Variants in CXXC5 observed in about 807,000 individuals in gnomAD.
The protein encoded by CXXC5 is CXXC-type zinc finger protein 5.
A neutral mutation model predicts 17.6 loss-of-function variants in CXXC5; 2 were observed. That is an observed-to-expected ratio of 0.11 (90% confidence interval 0.05 to 0.36). The LOEUF is 0.36. CXXC5 is among the 10% of genes least tolerant of loss of function. The probability of loss-of-function intolerance (pLI) is 1.00; values close to 1 mark genes in which losing one functional copy is unlikely to be tolerated. For missense variants in CXXC5, 343 were observed against 458.3 expected, an observed-to-expected ratio of 0.75 and a Z score of 2.30; for synonymous variants, 171 against 193.0, an observed-to-expected ratio of 0.89 and a Z score of 0.94.
chr5:139,671,524 A>G (rs1323034201), intron 1 of CXXC5, among the ~76,000 whole-genome samples: 1 of 152,218 alleles, frequency 6.6e-6, no homozygotes, highest in Admixed American at 6.5e-5. Flanking sequence ...GGGTTGGGGC[A>G]GGCACAAAGA....
intron 1 of CXXC5, among the ~76,000 whole-genome samples, chr5:139,674,455 A>G (rs1756665417): frequency 6.6e-6 from 1 of 152,088 alleles, no homozygotes; most frequent in Non-Finnish European, 1.5e-5. Context: ...TGGTGCATTG[A>G]GCCAGGGTGT....
At chr5:139,656,743 G>A (rs953868575) in intron 1 of CXXC5, among the ~76,000 whole-genome samples, 11 of 151,940 alleles carry the variant, frequency 7.2e-5, no homozygotes, top group Admixed American at 2.6e-4. Flanking sequence ...TTGTTTTTTT[G>A]AGATGGAGTC....
chr5:139,664,489 C>G lies in CXXC5; in HGVS notation c.-161+15644C>G, dbSNP rs533826876. ...GGTCCGTGTGTCACTTAGCACCAGG[C>G]GCTGCATGGCCCTGGGTCAGGGCTC... On this transcript the variant is annotated intron_variant, in intron 1 of 2. Coordinates refer to ENST00000302517, the MANE Select transcript of CXXC5 (RefSeq NM_016463.9). 4.5e-4 allele frequency among the ~76,000 whole-genome samples: 69 copies of G among 152,286 alleles called. 2 individuals are homozygous for G. The South Asian group carries it at 0.014, about 31-fold the overall frequency.
intron 1 of CXXC5, among the ~76,000 whole-genome samples, chr5:139,671,919 A>G (rs928449178): frequency 5.9e-5 from 9 of 152,156 alleles, no homozygotes; most frequent in African/African-American, 1.9e-4. Context: ...TGGCTCTGCC[A>G]CTTACTGACC....
At chr5:139,655,871 C>T (rs1008963436) in intron 1 of CXXC5, among the ~76,000 whole-genome samples, 2 of 152,198 alleles carry the variant, frequency 1.3e-5, no homozygotes, top group Admixed American at 6.5e-5. Context: ...CTTAGAGCAG[C>T]GGGCAGGCGG....
intron 1 of CXXC5, among the ~76,000 whole-genome samples, chr5:139,664,320 G>A (rs947998451): frequency 1.5e-4 from 23 of 151,988 alleles, no homozygotes; most frequent in African/African-American, 5.6e-4. Flanking sequence ...GCCTGGTCAG[G>A]GTTGCGCACC....
rs1259973299 is a variant in CXXC5, at chr5:139,670,918, C to T, written c.-160-9446C>T. On this transcript the variant is annotated intron_variant, in intron 1 of 2. Transcript: ENST00000302517. This position sits in a 1 kb window ranked among gnomAD's most constrained non-coding sequence, Gnocchi z 4.2. Reference sequence around the variant, plus strand: ...GTGCAGCACACCTCCCAGGTAGACACGCGAAAACACACTGTATGCATTGCT... The same window carrying T: ...GTGCAGCACACCTCCCAGGTAGACATGCGAAAACACACTGTATGCATTGCT... Among the ~76,000 whole-genome samples the T allele has an allele frequency of 2.0e-5, 3 of 152,250 alleles. No individual in the cohort carries two copies. Among genetic ancestry groups the T allele is most frequent in the Non-Finnish European group, 4.4e-5 (3 of 68,036 alleles).
chr5:139,677,392 C>T (rs1756909536), intron 1 of CXXC5, among the ~76,000 whole-genome samples: 1 of 152,158 alleles, frequency 6.6e-6, no homozygotes, highest in South Asian at 2.1e-4. Flanking sequence ...CTATGTCCTC[C>T]TCTTCCATGA....
At chr5:139,653,015 G>A (rs907495908) in intron 1 of CXXC5, among the ~76,000 whole-genome samples, 9 of 152,248 alleles carry the variant, frequency 5.9e-5, no homozygotes, top group East Asian at 3.9e-4. Context: ...CTGTATCTCC[G>A]TCTTACTGAA....
rs1316297566 is a variant in CXXC5, at chr5:139,670,430, C to T, written c.-160-9934C>T. On this transcript the variant is annotated intron_variant, in intron 1 of 2. Coordinates refer to ENST00000302517, the MANE Select transcript of CXXC5 (RefSeq NM_016463.9). This position sits in a 1 kb window ranked among gnomAD's most constrained non-coding sequence, Gnocchi z 4.2. The stretch of plus-strand genomic sequence containing the variant: ...GAACCTGGATGGAACCAGCCCCCAC[C>T]ACAGCCCAGGTGCACCTGTGGGCAG... Among the ~76,000 whole-genome samples the T allele has an allele frequency of 1.3e-5, 2 of 152,162 alleles. No homozygotes were observed. The highest frequency in any genetic ancestry group is 1.5e-5 in the Non-Finnish European group (1 of 68,026).
Position 139,648,352 on chromosome 5 carries a change from G to A in CXXC5, c.-654G>A. On this transcript the variant is annotated 5_prime_UTR_variant, in exon 1 of 3. Transcript: ENST00000302517. ...CCTGCCCGGGCGGGCGCGCGGCGGCGGCGGCAGAGGCGGCTGAGCCTGAGC... is the reference window on the plus strand; with the variant it reads ...CCTGCCCGGGCGGGCGCGCGGCGGCAGCGGCAGAGGCGGCTGAGCCTGAGC... The A allele has an allele frequency of 6.3e-6, 1 of 157,938 alleles. No individual in the cohort carries two copies. Among genetic ancestry groups the A allele is most frequent in the South Asian group, 1.6e-4 (1 of 6,068 alleles). 9.8% of individuals were successfully genotyped at this position (157,938 alleles called of 1,614,324 possible). A position where few individuals can be genotyped will look rare whatever the true frequency, so the allele number is the denominator to read the frequency against.
intron 1 of CXXC5, among the ~76,000 whole-genome samples, chr5:139,676,259 GTCCTTCTTGCCACCCTCCTCCCCAC>G (rs1756790848): frequency 2.3e-5 from 1 of 43,838 alleles, no homozygotes; most frequent in Non-Finnish European, 4.0e-5. Flanking sequence ...CTCCTCCACA[GTCCTTCTTGCCACCCTCCTCCCCAC>G]CCTCCTCCCC....
At chr5:139,667,653 G>A (rs1457179137) in intron 1 of CXXC5, among the ~76,000 whole-genome samples, 2 of 152,136 alleles carry the variant, frequency 1.3e-5, no homozygotes, top group Non-Finnish European at 2.9e-5. Flanking sequence ...CACTATTCCT[G>A]GAGGGTGAAT....
chr5:139,682,911 C>T lies in CXXC5; in HGVS notation c.*4C>T, dbSNP rs187965332. 8.9e-5 allele frequency: 141 copies of T among 1,589,450 alleles called. No individual in the cohort carries two copies. In the African/African-American group the frequency reaches 1.5e-3, roughly 17 times the overall value. On this transcript the variant is annotated 3_prime_UTR_variant, in exon 3 of 3. Transcript: ENST00000302517. ...CGCCTTCCGGTGGTTTCAGTGACGG[C>T]GGCGGAACCCAAAGCTGCCCTCTCC... is the stretch of plus-strand genomic sequence containing the variant.
At chr5:139,655,939 C>T (rs1755470005) in intron 1 of CXXC5, among the ~76,000 whole-genome samples, 1 of 152,220 alleles carries the variant, frequency 6.6e-6, no homozygotes, top group African/African-American at 2.4e-5. Context: ...TACTCCCCTC[C>T]AGCTGCCGGC....
intron 1 of CXXC5, among the ~76,000 whole-genome samples, chr5:139,676,015 C>T (rs999643055): frequency 2.3e-5 from 3 of 131,208 alleles, no homozygotes; most frequent in African/African-American, 8.9e-5. Flanking sequence ...GTATGAGTCT[C>T]CCTCCTTCCA....
chr5:139,662,401 G>A lies in CXXC5; in HGVS notation c.-161+13556G>A, dbSNP rs76999836. Among the ~76,000 whole-genome samples the A allele has an allele frequency of 3.9e-3, 598 of 152,126 alleles. 7 individuals are homozygous for A. The South Asian group carries it at 0.041, about 10-fold the overall frequency. Reference sequence around the variant, plus strand: ...GTTGGGGCCTGCCTTCCTTGCACTGGGCAGAAATAAGGATATACCCCTTTT... The same window carrying A: ...GTTGGGGCCTGCCTTCCTTGCACTGAGCAGAAATAAGGATATACCCCTTTT... On this transcript the variant is annotated intron_variant, in intron 1 of 2. Transcript: ENST00000302517.
Position 139,683,391 on chromosome 5 carries a change from A to G in CXXC5, c.*484A>G, listed in dbSNP as rs1165656530. On this transcript the variant is annotated 3_prime_UTR_variant, in exon 3 of 3. Coordinates refer to ENST00000302517, the MANE Select transcript of CXXC5 (RefSeq NM_016463.9). Reference sequence around the variant, plus strand: ...TCTTTCCGACCATGAAATAGTGCATAGTTTGCCTGGAGAATCCACTCACGT... The same window carrying G: ...TCTTTCCGACCATGAAATAGTGCATGGTTTGCCTGGAGAATCCACTCACGT... The G allele has an allele frequency of 6.6e-6, 1 of 152,662 alleles. No individual in the cohort carries two copies. Among genetic ancestry groups the G allele is most frequent in the Non-Finnish European group, 1.5e-5 (1 of 68,192 alleles). 9.5% of individuals were successfully genotyped at this position (152,662 alleles called of 1,614,324 possible). A position where few individuals can be genotyped will look rare whatever the true frequency, so the allele number is the denominator to read the frequency against.
Position 139,661,107 on chromosome 5 carries a change from C to A in CXXC5, c.-161+12262C>A, listed in dbSNP as rs905085903. Among the ~76,000 whole-genome samples, 1 of 152,208 alleles carries A rather than the reference C, an allele frequency of 6.6e-6. No individual in the cohort carries two copies. Among genetic ancestry groups the A allele is most frequent in the African/African-American group, 2.4e-5 (1 of 41,450 alleles). On this transcript the variant is annotated intron_variant, in intron 1 of 2. Coordinates refer to ENST00000302517, the MANE Select transcript of CXXC5 (RefSeq NM_016463.9). The surrounding 1 kb of genome is among the most constrained non-coding windows in gnomAD (Gnocchi z 4.7). ...CATGCTCTTCCCCATGCTGCAGCCT[C>A]CCCTTTTCAGAGGCCTGGGGAAGCA... is the stretch of plus-strand genomic sequence containing the variant.
Sources: gnomAD v4.1 joint callset for allele counts (sites outside exome capture counted in the v4.1 genomes callset) on GRCh38, gnomAD v4.1.1 for gene constraint, Gnocchi (gnomAD v3.1) non-coding constraint, MANE v1.5 for transcripts, NCBI Gene and HGNC (gene_info 2026-07-23, HGNC 2026-07-21) for gene names.